PODXL2: variants seen among roughly 807,000 people sequenced by gnomAD.
PODXL2 encodes the protein podocalyxin like 2, also known as podocalyxin-like protein 2.
Under a neutral mutation model 53.4 loss-of-function variants are expected in PODXL2, and 17 were observed. The ratio of observed to expected loss-of-function variants is 0.32; its 90% CI spans 0.22 to 0.48. The LOEUF (loss-of-function observed/expected upper bound fraction) is 0.48, where lower values mean the gene tolerates loss of function less well. PODXL2 is among the 20% of genes least tolerant of loss of function. The pLI, the probability that PODXL2 is intolerant of heterozygous loss-of-function variation, is 0.99. For synonymous variants in PODXL2, 311 were observed against 306.7 expected (o/e 1.01, Z -0.15); for missense variants, 673 against 760.0 (o/e 0.89, Z 1.35).
rs768578868 is a variant in PODXL2, at chr3:127,671,425, C to T, written c.1426-9C>T. On this transcript the variant is annotated splice_polypyrimidine_tract_variant and intron_variant, in intron 6 of 7. Transcript: ENST00000342480. ...CTCAGCTGAGGAAACTGGCCCCTCC[C>T]ACCCCTAGATTGGCATCCAGAACTA... 19 of 1,612,238 alleles carry T rather than the reference C, an allele frequency of 1.2e-5. No homozygotes were observed. Among genetic ancestry groups the T allele is most frequent in the Admixed American group, 5.0e-5 (3 of 59,978 alleles).
In PODXL2 at chr3:127,639,256, GGTGCCT is replaced by G; in HGVS notation, c.86_91del (p.Ala29_Cys30del). 6.2e-7 allele frequency: 1 copy of G among 1,605,420 alleles called. No homozygotes were observed. The highest frequency in any genetic ancestry group is 2.2e-5 in the East Asian group (1 of 44,826). ...TTATGTCTGCACAGGAGCGTTCCTG[GGTGCCT>G]GTGTGGCTGGGTCTGATGAGCCTGG... On this transcript the variant is annotated inframe_deletion, in exon 2 of 8. Transcript: ENST00000342480.
Position 127,669,687 on chromosome 3 carries a change from G to A in PODXL2, c.1425+485G>A, listed in dbSNP as rs183518395. ...TGGTGCTTGCACGGCCAGGCCCTGC[G>A]CTCCTGCTGCGGTGAGATGCGGCGC... On this transcript the variant is annotated intron_variant, in intron 6 of 7. Transcript: ENST00000342480. Among the ~76,000 whole-genome samples, 589 of 152,306 alleles carry A rather than the reference G, an allele frequency of 3.9e-3. 7 individuals are homozygous for A. Among genetic ancestry groups the A allele is most frequent in the African/African-American group, 0.013 (553 of 41,562 alleles).
chr3:127,650,063 A>T (rs888723575), intron 2 of PODXL2, among the ~76,000 whole-genome samples: 2 of 152,200 alleles, frequency 1.3e-5, no homozygotes, highest in Non-Finnish European at 2.9e-5. Flanking sequence ...TGAGAGTTGT[A>T]GTGAGGGGAC....
At chr3:127,660,148 T>C (rs1264819408) in intron 2 of PODXL2, among the ~76,000 whole-genome samples, 1 of 152,168 alleles carries the variant, frequency 6.6e-6, no homozygotes, top group Non-Finnish European at 1.5e-5. Flanking sequence ...CATTCCTGTG[T>C]TCATTGAGTT....
Position 127,629,394 on chromosome 3 carries a change from CGGG to C in PODXL2, c.70+106_70+108del. The C allele has an allele frequency of 1.1e-6, 1 of 879,790 alleles. No individual in the cohort carries two copies. The highest frequency in any genetic ancestry group is 1.4e-6 in the Non-Finnish European group (1 of 733,208). The allele number at this position is 879,790 out of a possible 1,614,324, so 54.5% of individuals were successfully genotyped here. A position where few individuals can be genotyped will look rare whatever the true frequency, so the allele number is the denominator to read the frequency against. The stretch of plus-strand genomic sequence containing the variant: ...CAAAGGGGCCAGAGTGCGGCGCCGC[CGGG>C]AGCGCGCGTGTCCCGGCCGGGCCGC... On this transcript the variant is annotated intron_variant, in intron 1 of 7. Transcript: ENST00000342480. The surrounding 1 kb of genome is among the most constrained non-coding windows in gnomAD (Gnocchi z 6.4).
intron 4 of PODXL2, 35 bp downstream of exon 4, chr3:127,662,346 A>G: frequency 6.4e-7 from 1 of 1,568,496 alleles, no homozygotes; most frequent in South Asian, 1.1e-5. Flanking sequence ...CCGCAGGGAA[A>G]GGCTGCAGGC....
intron 2 of PODXL2, among the ~76,000 whole-genome samples, chr3:127,644,935 C>T (rs539409533): frequency 6.6e-6 from 1 of 152,318 alleles, no homozygotes; most frequent in South Asian, 2.1e-4. Flanking sequence ...CTTGACCTGT[C>T]CCCTCGCCTT....
At chr3:127,671,649 G>A in intron 7 of PODXL2, 36 bp downstream of exon 7, 1 of 1,594,328 alleles carries the variant, frequency 6.3e-7, no homozygotes, top group African/African-American at 1.3e-5. Context: ...GGGGCCAGTT[G>A]AGAGGAGAGT....
chr3:127,640,974 G>T (rs979181592), intron 2 of PODXL2, among the ~76,000 whole-genome samples: 2 of 152,080 alleles, frequency 1.3e-5, no homozygotes, highest in Non-Finnish European at 2.9e-5. Flanking sequence ...GTGCAGTGGC[G>T]TGACCTTGGC....
At chr3:127,652,741 C>T (rs898232331) in intron 2 of PODXL2, among the ~76,000 whole-genome samples, 5 of 152,148 alleles carry the variant, frequency 3.3e-5, no homozygotes, top group African/African-American at 1.2e-4. Flanking sequence ...GTCCCAGACA[C>T]GCTTTTGGGG....
chr3:127,629,295 T>C lies in PODXL2; in HGVS notation c.70+6T>C. The C allele has an allele frequency of 9.8e-7, 1 of 1,016,690 alleles. No individual in the cohort carries two copies. Among genetic ancestry groups the C allele is most frequent in the Non-Finnish European group, 1.2e-6 (1 of 851,126 alleles). 63.0% of individuals were successfully genotyped at this position (1,016,690 alleles called of 1,614,324 possible). On this transcript the variant is annotated splice_donor_region_variant and intron_variant, in intron 1 of 7. Transcript: ENST00000342480. This position sits in a 1 kb window ranked among gnomAD's most constrained non-coding sequence, Gnocchi z 6.4. Reference sequence around the variant, plus strand: ...GCTGCTTCTGCTGGTTGGGGGTGAGTGCGCTCCGGGCCCGAGCGCGGGAGG... The same window carrying C: ...GCTGCTTCTGCTGGTTGGGGGTGAGCGCGCTCCGGGCCCGAGCGCGGGAGG...
In PODXL2 at chr3:127,638,181, T is replaced by C. The variant is rs1192301272; in HGVS notation, c.71-1064T>C. Reference sequence around the variant, plus strand: ...CCTCACAGCAAGTTAGTAATTTGTGTGGTTAGGTCATTAAGTTAGAGGTTA... The same window carrying C: ...CCTCACAGCAAGTTAGTAATTTGTGCGGTTAGGTCATTAAGTTAGAGGTTA... On this transcript the variant is annotated intron_variant, in intron 1 of 7. Transcript: ENST00000342480. 2.6e-5 allele frequency among the ~76,000 whole-genome samples: 4 copies of C among 152,298 alleles called. No homozygotes were observed. In the East Asian group the frequency reaches 5.8e-4, roughly 22 times the overall value.
intron 4 of PODXL2, among the ~76,000 whole-genome samples, chr3:127,663,883 A>G (rs890364527): frequency 6.6e-6 from 1 of 152,202 alleles, no homozygotes; most frequent in Non-Finnish European, 1.5e-5. Flanking sequence ...CAATCAATAC[A>G]TAGATATTAA....
chr3:127,666,347 C>A lies in PODXL2; in HGVS notation c.1207-2094C>A, dbSNP rs116442970. ...ATGTTTTTAAATAGGGAAACTGAGG[C>A]TCAGAGAGGTACTTCTTTTTTTTTT... is the stretch of plus-strand genomic sequence containing the variant. On this transcript the variant is annotated intron_variant, in intron 4 of 7. Coordinates refer to ENST00000342480, the MANE Select transcript of PODXL2 (RefSeq NM_015720.4). Among the ~76,000 whole-genome samples, 427 of 146,026 alleles carry A rather than the reference C, an allele frequency of 2.9e-3. 2 individuals are homozygous for A. The highest frequency in any genetic ancestry group is 0.01 in the African/African-American group (410 of 39,434).
chr3:127,646,834 GA>G (rs1160238527), intron 2 of PODXL2, among the ~76,000 whole-genome samples: 1 of 152,232 alleles, frequency 6.6e-6, no homozygotes, highest in Admixed American at 6.5e-5. Flanking sequence ...GTGTGTGGCA[GA>G]GCCGAATCTG....
At chr3:127,670,872 C>T (rs1445487992) in intron 6 of PODXL2, among the ~76,000 whole-genome samples, 1 of 152,228 alleles carries the variant, frequency 6.6e-6, no homozygotes, top group African/African-American at 2.4e-5. Context: ...CAGGCAGCTA[C>T]ATGCCAGCAG....
At chr3:127,650,146 T>A (rs1168590361) in intron 2 of PODXL2, among the ~76,000 whole-genome samples, 5 of 152,236 alleles carry the variant, frequency 3.3e-5, no homozygotes, top group Non-Finnish European at 5.9e-5. Flanking sequence ...CCCTTATGCC[T>A]GTTTTAATTC....
chr3:127,672,747 C>A lies in PODXL2; in HGVS notation c.*267C>A. 2.5e-6 allele frequency: 1 copy of A among 407,572 alleles called. No homozygotes were observed. 25.2% of individuals were successfully genotyped at this position (407,572 alleles called of 1,614,324 possible). ...CCGGCCCCGCGGGCGGCGGGCGGCG[C>A]TTCCTGCGCCCCGGGACTCAATTAA... On this transcript the variant is annotated 3_prime_UTR_variant, in exon 8 of 8. Coordinates refer to ENST00000342480, the MANE Select transcript of PODXL2 (RefSeq NM_015720.4).
chr3:127,653,846 T>C (rs568872513), intron 2 of PODXL2, among the ~76,000 whole-genome samples: 1 of 152,236 alleles, frequency 6.6e-6, no homozygotes, highest in Non-Finnish European at 1.5e-5. Flanking sequence ...GATATGGAGA[T>C]GCAGATCTGT....
Sources: gnomAD v4.1 joint callset for allele counts (sites outside exome capture counted in the v4.1 genomes callset) on GRCh38, gnomAD v4.1.1 for gene constraint, Gnocchi (gnomAD v3.1) non-coding constraint, MANE v1.5 for transcripts, NCBI Gene and HGNC (gene_info 2026-07-23, HGNC 2026-07-21) for gene names.